Variants in PTPRG observed in about 807,000 individuals in gnomAD.
PTPRG encodes the protein protein tyrosine phosphatase receptor type G, also known as receptor-type tyrosine-protein phosphatase gamma.
In PTPRG, 102 loss-of-function variants were observed where a neutral mutation model predicts 165.3. The observed-to-expected ratio is 0.62, with a 90% CI of 0.53 to 0.73. The LOEUF (loss-of-function observed/expected upper bound fraction) is 0.73. Among genes scored for constraint, PTPRG ranks in the 30% least tolerant of loss-of-function variants. The pLI is 0.00. For synonymous variants in PTPRG, 675 were observed against 669.5 expected, an observed-to-expected ratio of 1.01 and a Z score of -0.13; for missense variants, 1,866 against 1,861.4, an observed-to-expected ratio of 1.00 and a Z score of -0.05.
intron 2 of PTPRG, among the ~76,000 whole-genome samples, chr3:61,803,056 G>C (rs1396027208): frequency 6.6e-6 from 1 of 152,126 alleles, no homozygotes; most frequent in Non-Finnish European, 1.5e-5. Flanking sequence ...ACATTCATTT[G>C]TTTACATATT....
chr3:62,153,548 G>A (rs1704420819), intron 6 of PTPRG, among the ~76,000 whole-genome samples: 1 of 151,592 alleles, frequency 6.6e-6, no homozygotes, highest in South Asian at 2.1e-4. Context: ...GGCACAAGGA[G>A]TAATCCAGTT....
intron 2 of PTPRG, among the ~76,000 whole-genome samples, chr3:61,812,824 GA>G (rs2035628052): frequency 6.6e-6 from 1 of 152,204 alleles, no homozygotes; most frequent in Non-Finnish European, 1.5e-5. Flanking sequence ...TTGCGGCAGA[GA>G]AAAACCCTGT....
intron 1 of PTPRG, among the ~76,000 whole-genome samples, chr3:61,694,025 A>AAAGAG (rs1553650991): frequency 1.0e-4 from 15 of 145,940 alleles, no homozygotes; most frequent in African/African-American, 3.8e-4. Context: ...AAAAAAAAAA[A>AAAGAG]AGAGAGAGAG....
chr3:61,914,973 A>G lies in PTPRG; in HGVS notation c.191-74652A>G, dbSNP rs145207415. ...GGGCTGGGTGCGGTGACTCACGCCT[A>G]TAATCCCAGCACTTTGGGAGGCCAA... On this transcript the variant is annotated intron_variant, in intron 2 of 29. Transcript: ENST00000474889. 1.0e-3 allele frequency among the ~76,000 whole-genome samples: 152 copies of G among 152,310 alleles called. 3 individuals carry two copies. The East Asian group carries it at 0.023, about 23-fold the overall frequency.
intron 14 of PTPRG, among the ~76,000 whole-genome samples, chr3:62,241,579 T>C (rs372316129): frequency 6.6e-6 from 1 of 152,204 alleles, no homozygotes. Flanking sequence ...AAAGATAATG[T>C]GGGGCCTGTA....
At chr3:62,140,212 A>G (rs1385136422) in intron 6 of PTPRG, among the ~76,000 whole-genome samples, 3 of 152,210 alleles carry the variant, frequency 2.0e-5, no homozygotes, top group Non-Finnish European at 2.9e-5. Context: ...TAAGAAGACC[A>G]TGTGCCTATT....
chr3:61,893,784 C>CCAG (rs1364829550), intron 2 of PTPRG, among the ~76,000 whole-genome samples: 1 of 152,140 alleles, frequency 6.6e-6, no homozygotes, highest in Non-Finnish European at 1.5e-5. Context: ...GCGGGGGCAT[C>CCAG]CAGTTGGTAT....
intron 1 of PTPRG, among the ~76,000 whole-genome samples, chr3:61,630,928 C>T (rs1480322128): frequency 1.3e-5 from 2 of 151,868 alleles, no homozygotes; most frequent in South Asian, 2.1e-4. Context: ...TTGTGGCACG[C>T]GCCTGTAGTC....
intron 2 of PTPRG, among the ~76,000 whole-genome samples, chr3:61,853,624 T>C (rs2037025468): frequency 6.6e-6 from 1 of 152,244 alleles, no homozygotes; most frequent in African/African-American, 2.4e-5. Context: ...AGCTAAGCCA[T>C]TGCTACATTC....
intron 5 of PTPRG, among the ~76,000 whole-genome samples, chr3:62,099,941 G>A (rs1479804346): frequency 6.6e-6 from 1 of 151,772 alleles, no homozygotes; most frequent in Non-Finnish European, 1.5e-5. Flanking sequence ...TGGGACTACA[G>A]GCGTGCACCA....
chr3:61,761,084 A>G (rs2033818652), intron 2 of PTPRG, among the ~76,000 whole-genome samples: 1 of 152,244 alleles, frequency 6.6e-6, no homozygotes, highest in Admixed American at 6.5e-5. Flanking sequence ...TCTTTGTAAC[A>G]GAATGATTTA....
At chr3:61,867,550 G>A (rs1041288181) in intron 2 of PTPRG, among the ~76,000 whole-genome samples, 1 of 151,934 alleles carries the variant, frequency 6.6e-6, no homozygotes, top group Non-Finnish European at 1.5e-5. Flanking sequence ...TGAAAAAATA[G>A]GGGAGTTGAG....
intron 1 of PTPRG, among the ~76,000 whole-genome samples, chr3:61,592,729 C>T (rs1233757973): frequency 1.3e-5 from 2 of 150,046 alleles, no homozygotes; most frequent in Admixed American, 6.7e-5. Context: ...CTGAAAATCA[C>T]CCTCCCACCT....
chr3:62,020,391 C>G (rs1398231433), intron 4 of PTPRG, among the ~76,000 whole-genome samples: 1 of 152,010 alleles, frequency 6.6e-6, no homozygotes, highest in Admixed American at 6.6e-5. Flanking sequence ...TAAGCTAGAA[C>G]AAGTATAGAG....
chr3:61,635,781 T>G (rs1444195831), intron 1 of PTPRG, among the ~76,000 whole-genome samples: 1 of 152,202 alleles, frequency 6.6e-6, no homozygotes, highest in East Asian at 1.9e-4. Flanking sequence ...CATTTTGTAC[T>G]CTTGAACATT....
rs1703007805 is a variant in PTPRG, at chr3:62,294,752, A to AAAG, written c.*1446_*1448dup. On this transcript the variant is annotated 3_prime_UTR_variant, in exon 30 of 30. Coordinates refer to ENST00000474889, the MANE Select transcript of PTPRG (RefSeq NM_002841.4). ...TGCTTTTGAGGGACAGCTTCTGTCA[A>AAAG]AAGTGAAATCATCACCAGAACTGGG... 1 of 152,158 alleles carries AAAG rather than the reference A, an allele frequency of 6.6e-6. No individual in the cohort carries two copies. Among genetic ancestry groups the AAAG allele is most frequent in the Admixed American group, 6.6e-5 (1 of 15,254 alleles). 9.4% of individuals were successfully genotyped at this position (152,158 alleles called of 1,614,324 possible).
intron 2 of PTPRG, among the ~76,000 whole-genome samples, chr3:61,779,171 C>T (rs1423295445): frequency 6.6e-6 from 1 of 152,136 alleles, no homozygotes; most frequent in African/African-American, 2.4e-5. Flanking sequence ...TTTGAGATAC[C>T]TCATTTTGGC....
chr3:62,177,908 C>G (rs1392955754), intron 8 of PTPRG, among the ~76,000 whole-genome samples: 1 of 152,144 alleles, frequency 6.6e-6, no homozygotes, highest in Non-Finnish European at 1.5e-5. Context: ...ATTTTTCCCC[C>G]TAATATCCAG....
At chr3:61,728,696 T>A (rs2032363126) in intron 1 of PTPRG, among the ~76,000 whole-genome samples, 1 of 152,062 alleles carries the variant, frequency 6.6e-6, no homozygotes, top group South Asian at 2.1e-4. Context: ...TGTATCTTAT[T>A]ATTTTATATC....
Sources: gnomAD v4.1 joint callset for allele counts (sites outside exome capture counted in the v4.1 genomes callset) on GRCh38, gnomAD v4.1.1 for gene constraint, MANE v1.5 for transcripts, NCBI Gene and HGNC (gene_info 2026-07-23, HGNC 2026-07-21) for gene names.